The following ARHGAP26 variants were observed in gnomAD, a reference collection of about 807,000 sequenced individuals.
ARHGAP26 encodes the protein rho GTPase-activating protein 26.
Under a neutral mutation model 104.8 loss-of-function variants are expected in ARHGAP26, and 38 were observed. That is an observed-to-expected ratio of 0.36 (90% CI 0.28 to 0.48). ARHGAP26 has a LOEUF of 0.48. ARHGAP26 is among the 20% of genes least tolerant of loss of function. ARHGAP26 has a pLI of 0.99. For synonymous variants in ARHGAP26, 341 were observed against 340.0 expected, an observed-to-expected ratio of 1.00 and a Z score of -0.03; for missense variants, 704 against 947.9, an observed-to-expected ratio of 0.74 and a Z score of 3.38.
At chr5:143,046,092 T>TGAGC (rs1784198260) in intron 14 of ARHGAP26, among the ~76,000 whole-genome samples, 2 of 151,594 alleles carry the variant, frequency 1.3e-5, no homozygotes, top group African/African-American at 4.8e-5. Flanking sequence ...CAGGACTGCG[T>TGAGC]CATTGCACTC....
intron 18 of ARHGAP26, among the ~76,000 whole-genome samples, chr5:143,133,554 TA>T (rs1369509149): frequency 6.6e-6 from 1 of 152,222 alleles, no homozygotes; most frequent in Non-Finnish European, 1.5e-5. Context: ...AAGTAATTGT[TA>T]AGAACTTAGA....
At chr5:143,199,122 A>G (rs573770940) in intron 20 of ARHGAP26, among the ~76,000 whole-genome samples, 32 of 152,344 alleles carry the variant, frequency 2.1e-4, no homozygotes, top group African/African-American at 5.8e-4. Context: ...TTAAATAAAA[A>G]TGCATGTTAA....
intron 1 of ARHGAP26, chr5:142,866,790 A>G (rs535974682): frequency 1.3e-5 from 2 of 152,330 alleles, no homozygotes; most frequent in East Asian, 3.9e-4. Flanking sequence ...TATGATCAGA[A>G]TGCATGTTAT....
chr5:143,095,226 C>T (rs1402403714), intron 17 of ARHGAP26, among the ~76,000 whole-genome samples: 1 of 151,466 alleles, frequency 6.6e-6, no homozygotes, highest in Non-Finnish European at 1.5e-5. Flanking sequence ...AGGTGAAATT[C>T]ACTTAACATA....
chr5:143,162,168 T>C (rs900978799), intron 20 of ARHGAP26, among the ~76,000 whole-genome samples: 6 of 150,938 alleles, frequency 4.0e-5, no homozygotes, highest in African/African-American at 1.2e-4. Context: ...GCATCCCCTC[T>C]GTAGCATCCA....
chr5:142,834,232 G>C (rs574592425), intron 1 of ARHGAP26, among the ~76,000 whole-genome samples: 2 of 152,166 alleles, frequency 1.3e-5, no homozygotes, highest in Non-Finnish European at 2.9e-5. Context: ...TTATCACACA[G>C]TGAATACACT....
rs539455113 is a variant in ARHGAP26 at position 142,922,574 on chromosome 5, T to G, written c.1028+9281T>G. Among the ~76,000 whole-genome samples, 3 of 152,328 alleles carry G rather than the reference T, an allele frequency of 2.0e-5. No homozygotes were observed. In the East Asian group the frequency reaches 5.8e-4, roughly 29 times the overall value. Reference sequence around the variant, plus strand: ...CACAAATCATTCATACCCACTTTCTTGCAAAAACAAACATGCTCAGTTAGT... The same window carrying G: ...CACAAATCATTCATACCCACTTTCTGGCAAAAACAAACATGCTCAGTTAGT... On this transcript the variant is annotated intron_variant, in intron 10 of 22. Transcript: ENST00000645722.
At chr5:142,866,248 T>C (rs895371567) in intron 1 of ARHGAP26, among the ~76,000 whole-genome samples, 1 of 152,196 alleles carries the variant, frequency 6.6e-6, no homozygotes, top group Non-Finnish European at 1.5e-5. Context: ...TTTGAATACA[T>C]TGATACCAGA....
intron 11 of ARHGAP26, among the ~76,000 whole-genome samples, chr5:143,013,478 G>A (rs1479817199): frequency 6.6e-6 from 1 of 152,066 alleles, no homozygotes; most frequent in African/African-American, 2.4e-5. Context: ...GGTTTCTATG[G>A]AAAATATATA....
intron 11 of ARHGAP26, among the ~76,000 whole-genome samples, chr5:142,965,402 G>A (rs561965769): frequency 2.0e-5 from 3 of 152,118 alleles, no homozygotes; most frequent in East Asian, 1.9e-4. Flanking sequence ...TTTTGATACC[G>A]CTAGACCACG....
At chr5:143,135,369 G>C (rs1272577692) in intron 19 of ARHGAP26, among the ~76,000 whole-genome samples, 1 of 152,180 alleles carries the variant, frequency 6.6e-6, no homozygotes, top group Non-Finnish European at 1.5e-5. Flanking sequence ...GGTGGTAATG[G>C]CACAGGTATT....
chr5:143,179,233 G>A (rs140826444), intron 20 of ARHGAP26, among the ~76,000 whole-genome samples: 1 of 152,172 alleles, frequency 6.6e-6, no homozygotes, highest in African/African-American at 2.4e-5. Context: ...TCCCCCACTG[G>A]ACTGCACACT....
chr5:142,797,963 C>T (rs1463593233), intron 1 of ARHGAP26, among the ~76,000 whole-genome samples: 4 of 152,182 alleles, frequency 2.6e-5, no homozygotes, highest in African/African-American at 9.7e-5. Context: ...ACCAAGTTTC[C>T]CTTTACCTGA....
intron 11 of ARHGAP26, among the ~76,000 whole-genome samples, chr5:142,942,262 A>G (rs973964479): frequency 2.0e-5 from 3 of 152,258 alleles, no homozygotes; most frequent in African/African-American, 7.2e-5. Flanking sequence ...TGCCATGGAT[A>G]CATTTGGCAA....
At chr5:143,009,959 A>G (rs887738692) in intron 11 of ARHGAP26, among the ~76,000 whole-genome samples, 1 of 152,176 alleles carries the variant, frequency 6.6e-6, no homozygotes, top group Non-Finnish European at 1.5e-5. Flanking sequence ...ATTAAGGTAG[A>G]TGCTCTCAAG....
intron 11 of ARHGAP26, among the ~76,000 whole-genome samples, chr5:142,937,133 A>C (rs912440939): frequency 1.3e-5 from 2 of 152,194 alleles, no homozygotes; most frequent in African/African-American, 4.8e-5. Flanking sequence ...CCGATAAGGG[A>C]CTTATTTACA....
At chr5:142,775,388 C>T (rs1756103679) in intron 1 of ARHGAP26, among the ~76,000 whole-genome samples, 1 of 152,082 alleles carries the variant, frequency 6.6e-6, no homozygotes, top group African/African-American at 2.4e-5. Context: ...TGCTTTCTTG[C>T]CATCTGCATA....
chr5:143,090,820 G>A (rs1490679538), intron 17 of ARHGAP26, among the ~76,000 whole-genome samples: 1 of 152,154 alleles, frequency 6.6e-6, no homozygotes, highest in Non-Finnish European at 1.5e-5. Context: ...TTTACATTGG[G>A]GAGCAAGACT....
chr5:143,123,197 A>C (rs375486673), intron 18 of ARHGAP26, among the ~76,000 whole-genome samples: 28 of 152,230 alleles, frequency 1.8e-4, no homozygotes, highest in Non-Finnish European at 4.4e-5. Flanking sequence ...ATATTGCCAA[A>C]GTCATGGTAT....
Sources: gnomAD v4.1 joint callset for allele counts (sites outside exome capture counted in the v4.1 genomes callset) on GRCh38, gnomAD v4.1.1 for gene constraint, MANE v1.5 for transcripts, NCBI Gene and HGNC (gene_info 2026-07-23, HGNC 2026-07-21) for gene names.